The following MAP3K13 variants were observed in gnomAD, a reference collection of about 807,000 sequenced individuals.
The protein encoded by MAP3K13 is leucine zipper-bearing kinase.
In MAP3K13, 52 loss-of-function variants were observed where a neutral mutation model predicts 104.0. The ratio of observed to expected loss-of-function variants is 0.50; its 90% CI spans 0.40 to 0.63. The LOEUF (loss-of-function observed/expected upper bound fraction) is 0.63. Among genes scored for constraint, MAP3K13 ranks in the 20% least tolerant of loss-of-function variants. The probability of loss-of-function intolerance (pLI) is 0.00; values close to 1 mark genes in which losing one functional copy is unlikely to be tolerated. For synonymous variants in MAP3K13, 394 were observed against 442.2 expected (o/e 0.89, Z 1.37); for missense variants, 914 against 1,218.5 (o/e 0.75, Z 3.72).
At chr3:185,349,693 G>A (rs1723066116) in intron 2 of MAP3K13, among the ~76,000 whole-genome samples, 3 of 152,186 alleles carry the variant, frequency 2.0e-5, no homozygotes, top group South Asian at 4.1e-4. Context: ...TCTTCAGGGC[G>A]AGGACTGTGT....
chr3:185,428,401 T>TC (rs758513570), intron 1 of MAP3K13, 96 bp from the exon 2 acceptor site: 432 of 717,606 alleles, frequency 6.0e-4, no homozygotes, highest in Admixed American at 1.2e-3. Flanking sequence ...GGTTAACCAA[T>TC]CCCCATTGTT....
chr3:185,295,079 G>T lies in MAP3K13; in HGVS notation c.-86+9436G>T, dbSNP rs187024752. On this transcript the variant is annotated intron_variant, in intron 2 of 14. Coordinates refer to the MAP3K13 transcript ENST00000424227. ...CAATCTAAACTCTTATTATCTTATTGCCCTTAGAATTCAGCCCCAAATCTT... is the reference window on the plus strand; with the variant it reads ...CAATCTAAACTCTTATTATCTTATTTCCCTTAGAATTCAGCCCCAAATCTT... Among the ~76,000 whole-genome samples, 145 of 151,982 alleles carry T rather than the reference G, an allele frequency of 9.5e-4. No individual in the cohort carries two copies. The Middle Eastern group carries it at 0.01, about 11-fold the overall frequency.
intron 7 of MAP3K13, among the ~76,000 whole-genome samples, chr3:185,461,560 A>T (rs1350885296): frequency 1.3e-5 from 2 of 151,790 alleles, no homozygotes; most frequent in African/African-American, 4.8e-5. Context: ...ATTTTATTTT[A>T]TTTTTTTAAT....
Position 185,450,764 on chromosome 3 carries a change from G to A in MAP3K13, c.1170-523G>A, listed in dbSNP as rs1001920784. On this transcript the variant is annotated intron_variant, in intron 6 of 13. Coordinates refer to ENST00000265026, the MANE Select transcript of MAP3K13 (RefSeq NM_004721.5). The surrounding 1 kb of genome is among the most constrained non-coding windows in gnomAD (Gnocchi z 4.2). ...AGCTTAGGCAACATAGTGAGACCCCGTCTCTGAAAAAAAAATAAAAAATAA... is the reference window on the plus strand; with the variant it reads ...AGCTTAGGCAACATAGTGAGACCCCATCTCTGAAAAAAAAATAAAAAATAA... 2.0e-5 allele frequency among the ~76,000 whole-genome samples: 3 copies of A among 151,238 alleles called. No homozygotes were observed. Among genetic ancestry groups the A allele is most frequent in the Non-Finnish European group, 2.9e-5 (2 of 67,848 alleles).
intron 1 of MAP3K13, among the ~76,000 whole-genome samples, chr3:185,412,418 A>AT (rs1269757717): frequency 6.6e-6 from 1 of 152,036 alleles, no homozygotes; most frequent in Non-Finnish European, 1.5e-5. Context: ...CAGTCTGCAA[A>AT]TTTCAGCTAT....
intron 1 of MAP3K13, among the ~76,000 whole-genome samples, chr3:185,380,358 A>G (rs1268778791): frequency 1.3e-5 from 2 of 151,264 alleles, no homozygotes; most frequent in Non-Finnish European, 2.9e-5. Flanking sequence ...TAAAAATACA[A>G]AAATTAACTG....
rs192638569 is a variant in MAP3K13 at position 185,385,298 on chromosome 3, G to A, written c.-86+21930G>A. Among the ~76,000 whole-genome samples the A allele has an allele frequency of 1.9e-3, 293 of 152,228 alleles. 3 individuals are homozygous for A. The highest frequency in any genetic ancestry group is 6.6e-3 in the African/African-American group (275 of 41,542). ...CCCGAGTGGCTGGGATTACAGGCAT[G>A]CACCACCATGTCCAACTAATTTTTG... is the stretch of plus-strand genomic sequence containing the variant. On this transcript the variant is annotated intron_variant, in intron 1 of 13. Coordinates refer to ENST00000265026, the MANE Select transcript of MAP3K13 (RefSeq NM_004721.5).
intron 3 of MAP3K13, among the ~76,000 whole-genome samples, chr3:185,441,252 C>G (rs924861204): frequency 6.6e-6 from 1 of 151,372 alleles, no homozygotes; most frequent in Non-Finnish European, 1.5e-5. Context: ...ATGGAAATGT[C>G]CTTGAAAAAT....
chr3:185,445,290 C>T (rs144411153), intron 4 of MAP3K13, among the ~76,000 whole-genome samples: 8 of 152,228 alleles, frequency 5.3e-5, no homozygotes, highest in Non-Finnish European at 7.4e-5. Flanking sequence ...CCTCCATGGA[C>T]GGTATAAATC....
intron 7 of MAP3K13, among the ~76,000 whole-genome samples, chr3:185,456,657 A>C (rs1269838503): frequency 7.6e-6 from 1 of 131,600 alleles, no homozygotes; most frequent in African/African-American, 2.9e-5. Flanking sequence ...GCTGGAGTGC[A>C]GTGTCGCAAT....
chr3:185,432,175 T>C (rs932593204), intron 2 of MAP3K13, among the ~76,000 whole-genome samples: 2 of 150,120 alleles, frequency 1.3e-5, no homozygotes, highest in Admixed American at 1.4e-4. Context: ...GAGATAACCA[T>C]TTCTAATTGC....
chr3:185,383,478 C>A (rs867438978), intron 1 of MAP3K13, among the ~76,000 whole-genome samples: 6 of 150,666 alleles, frequency 4.0e-5, no homozygotes, highest in African/African-American at 9.8e-5. Flanking sequence ...AGGAGAATGG[C>A]GTGAACCCGG....
intron 1 of MAP3K13, among the ~76,000 whole-genome samples, chr3:185,403,756 T>C (rs977982917): frequency 6.6e-6 from 1 of 152,236 alleles, no homozygotes; most frequent in African/African-American, 2.4e-5. Flanking sequence ...CAGATAAACC[T>C]AATGGCTGGT....
chr3:185,474,060 C>T (rs759662071), intron 11 of MAP3K13, among the ~76,000 whole-genome samples: 7 of 152,228 alleles, frequency 4.6e-5, no homozygotes, highest in East Asian at 3.9e-4. Flanking sequence ...TGGTGGCTCA[C>T]GCCTATAATC....
chr3:185,303,065 GC>G (rs796485126), intron 2 of MAP3K13, among the ~76,000 whole-genome samples: 2 of 152,112 alleles, frequency 1.3e-5, no homozygotes, highest in South Asian at 4.1e-4. Context: ...AGTTTATCAT[GC>G]TTTTTCTGAA....
chr3:185,314,391 G>A (rs1428408471), intron 2 of MAP3K13, among the ~76,000 whole-genome samples: 1 of 152,132 alleles, frequency 6.6e-6, no homozygotes, highest in Non-Finnish European at 1.5e-5. Flanking sequence ...CGAGGTGGGT[G>A]GATCACTTGA....
At chr3:185,395,095 T>G (rs1712300382) in intron 1 of MAP3K13, among the ~76,000 whole-genome samples, 1 of 152,176 alleles carries the variant, frequency 6.6e-6, no homozygotes. Context: ...TAATTCTTGA[T>G]AAATCTAAAT....
intron 2 of MAP3K13, among the ~76,000 whole-genome samples, chr3:185,286,814 GACTT>G (rs1281630504): frequency 1.3e-5 from 2 of 151,742 alleles, no homozygotes; most frequent in African/African-American, 4.8e-5. Flanking sequence ...AGGAAGAAGA[GACTT>G]ACATCTCACA....
intron 2 of MAP3K13, among the ~76,000 whole-genome samples, chr3:185,346,567 A>C (rs1450215271): frequency 9.9e-5 from 15 of 152,192 alleles, no homozygotes; most frequent in African/African-American, 3.6e-4. Flanking sequence ...TGTTAGGAGT[A>C]TTATATTATT....
Sources: gnomAD v4.1 joint callset for allele counts (sites outside exome capture counted in the v4.1 genomes callset) on GRCh38, gnomAD v4.1.1 for gene constraint, Gnocchi (gnomAD v3.1) non-coding constraint, MANE v1.5 for transcripts, NCBI Gene and HGNC (gene_info 2026-07-23, HGNC 2026-07-21) for gene names.